DLX6: variants seen among roughly 807,000 people sequenced by gnomAD.
The protein encoded by DLX6 is homeobox protein DLX-6.
Under a neutral mutation model 33.5 loss-of-function variants are expected in DLX6, and 4 were observed. The ratio of observed to expected loss-of-function variants is 0.12; its 90% confidence interval spans 0.06 to 0.27. DLX6 has a LOEUF of 0.27. DLX6 is among the 10% of genes least tolerant of loss of function. The probability of loss-of-function intolerance (pLI) is 1.00; values close to 1 mark genes in which losing one functional copy is unlikely to be tolerated. For missense variants in DLX6, 382 were observed against 393.3 expected (o/e 0.97, Z 0.24); for synonymous variants, 184 against 164.8 (o/e 1.12, Z -0.89).
Position 97,010,453 on chromosome 7 carries a change from A to G in DLX6, c.*406A>G, listed in dbSNP as rs1188311830. On this transcript the variant is annotated 3_prime_UTR_variant, in exon 3 of 3. Coordinates refer to ENST00000518156, the MANE Select transcript of DLX6 (RefSeq NM_005222.4). ...TATTTTCTCTTACCCCTTGGGATCC[A>G]GGCTCTGAGTCTCTTCTCTTTGGGA... 3.0e-5 allele frequency: 5 copies of G among 165,000 alleles called. No individual in the cohort carries two copies. Among genetic ancestry groups the G allele is most frequent in the African/African-American group, 7.2e-5 (3 of 41,788 alleles). 10.2% of individuals were successfully genotyped at this position (165,000 alleles called of 1,614,324 possible).
In DLX6 at chr7:97,009,780, G is replaced by A; in HGVS notation, c.631-16G>A. ...TTTGATGTTTATGGGCCTAATGATTGCTGCATTTCTTGCAGGTGAAGATAT... is the reference window on the plus strand; with the variant it reads ...TTTGATGTTTATGGGCCTAATGATTACTGCATTTCTTGCAGGTGAAGATAT... On this transcript the variant is annotated splice_polypyrimidine_tract_variant and intron_variant, in intron 2 of 2. Coordinates refer to ENST00000518156, the MANE Select transcript of DLX6 (RefSeq NM_005222.4). The A allele has an allele frequency of 6.2e-7, 1 of 1,610,828 alleles. No homozygotes were observed. Among genetic ancestry groups the A allele is most frequent in the Non-Finnish European group, 8.5e-7 (1 of 1,177,386 alleles).
In DLX6 at chr7:97,005,860, T is replaced by G. The variant is rs1789701458; in HGVS notation, c.-118T>G. On this transcript the variant is annotated 5_prime_UTR_variant, in exon 1 of 3. Coordinates refer to ENST00000518156, the MANE Select transcript of DLX6 (RefSeq NM_005222.4). ...TTTAAATTCTTTTTTTTTTTTTTTT[T>G]TTTTTTTGCAAGGATCCAAAGAGCT... is the stretch of plus-strand genomic sequence containing the variant. 2.4e-6 allele frequency: 1 copy of G among 415,292 alleles called. No individual in the cohort carries two copies. The allele number at this position is 415,292 out of a possible 1,614,324, so 25.7% of individuals were successfully genotyped here.
rs4281046 is a variant in DLX6 at position 97,008,893 on chromosome 7, G to A, written c.631-903G>A. Reference sequence around the variant, plus strand: ...TCCGGCTATTCAGTGACTTGTATGCGTCTTGAAAAAGTAGATTCTTATGGC... The same window carrying A: ...TCCGGCTATTCAGTGACTTGTATGCATCTTGAAAAAGTAGATTCTTATGGC... On this transcript the variant is annotated intron_variant, in intron 2 of 2. Transcript: ENST00000518156. 7.3e-3 allele frequency among the ~76,000 whole-genome samples: 1,110 copies of A among 152,256 alleles called. 15 individuals carry two copies. The highest frequency in any genetic ancestry group is 0.025 in the African/African-American group (1,047 of 41,538).
Position 97,006,307 on chromosome 7 carries a change from C to T in DLX6, c.330C>T (p.His110=), listed in dbSNP as rs1257949241. ...YASGGGNSYN[H]RSLAAYPYMS... is the part of the protein sequence containing the mutation. ...CGGGCGGAGGGAACTCCTACAACCA[C>T]CGCTCGCTCGCCGCCTACCCCTACA... The change falls in exon 1 of 3, where the codon CAC becomes CAT. Residue 110 remains histidine, a synonymous_variant. Coordinates refer to ENST00000518156, the MANE Select transcript of DLX6 (RefSeq NM_005222.4). 8.5e-6 allele frequency: 13 copies of T among 1,524,874 alleles called. No individual in the cohort carries two copies. Among genetic ancestry groups the T allele is most frequent in the African/African-American group, 1.4e-5 (1 of 71,086 alleles). The allele number at this position is 1,524,874 out of a possible 1,614,324, so 94.5% of individuals were successfully genotyped here.
intron 1 of DLX6, 59 bp downstream of exon 1, chr7:97,006,472 C>T: frequency 8.0e-7 from 1 of 1,247,634 alleles, no homozygotes; most frequent in Non-Finnish European, 1.0e-6. Context: ...CTACCCCGCC[C>T]GCCCGCTCAC....
Position 97,010,144 on chromosome 7 carries a change from A to AGG in DLX6, c.*98_*99dup. On this transcript the variant is annotated 3_prime_UTR_variant, in exon 3 of 3. Transcript: ENST00000518156. The stretch of plus-strand genomic sequence containing the variant: ...GAAAAGGAGCCAAAGGAGCAGGCTT[A>AGG]GGAGAGCTCATAAGTGTGGCAAGAA... 1 of 1,442,624 alleles carries AGG rather than the reference A, an allele frequency of 6.9e-7. No homozygotes were observed. The allele number at this position is 1,442,624 out of a possible 1,614,324, so 89.4% of individuals were successfully genotyped here.
At chr7:97,006,498 G>C in intron 1 of DLX6, 85 bp downstream of exon 1, 1 of 1,221,482 alleles carries the variant, frequency 8.2e-7, no homozygotes, top group Non-Finnish European at 1.0e-6. Context: ...CGACGCCCGG[G>C]CCTCCGCCGG....
At chr7:97,009,400 T>G (rs1367881353) in intron 2 of DLX6, among the ~76,000 whole-genome samples, 1 of 152,184 alleles carries the variant, frequency 6.6e-6, no homozygotes, top group African/African-American at 2.4e-5. Flanking sequence ...TTACTAAATT[T>G]TATGTAAAAT....
chr7:97,007,508 G>A lies in DLX6; in HGVS notation c.437-130G>A, dbSNP rs952171555. On this transcript the variant is annotated intron_variant, in intron 1 of 2. Transcript: ENST00000518156. ...GGCAGAGTGGACCAAGAGAGGTCGG[G>A]GCATCATAGGGATTTTTCGAGGTAA... 3 of 826,290 alleles carry A rather than the reference G, an allele frequency of 3.6e-6. No individual in the cohort carries two copies. The Admixed American group carries it at 6.0e-5, about 17-fold the overall frequency. 51.2% of individuals were successfully genotyped at this position (826,290 alleles called of 1,614,324 possible).
chr7:97,006,492 G>A, intron 1 of DLX6, 79 bp downstream of exon 1: 3 of 1,199,484 alleles, frequency 2.5e-6, no homozygotes, highest in Non-Finnish European at 3.1e-6. Context: ...CTTCCTCGAC[G>A]CCCGGGCCTC....
Position 97,010,216 on chromosome 7 carries a change from TTTCTTTTTAC to T in DLX6, c.*175_*184del, listed in dbSNP as rs1789818872. 7.9e-6 allele frequency: 5 copies of T among 633,534 alleles called. No homozygotes were observed. In the Admixed American group the frequency reaches 1.3e-4, roughly 17 times the overall value. 39.2% of individuals were successfully genotyped at this position (633,534 alleles called of 1,614,324 possible). On this transcript the variant is annotated 3_prime_UTR_variant, in exon 3 of 3. Transcript: ENST00000518156. Reference sequence around the variant, plus strand: ...TCCCTCTCTCTCTCTCTCCCTCTCCTTTCTTTTTACTTCTTCCTTTCCTCCATTCCTTCTT... The same window carrying T: ...TCCCTCTCTCTCTCTCTCCCTCTCCTTTCTTCCTTTCCTCCATTCCTTCTT...
At chr7:97,007,886 G>A in intron 2 of DLX6, 55 bp downstream of exon 2, 1 of 1,479,372 alleles carries the variant, frequency 6.8e-7, no homozygotes, top group Non-Finnish European at 9.0e-7. Flanking sequence ...TTGCAGATCG[G>A]GCAGGGAGCA....
chr7:97,006,014 G>A lies in DLX6; in HGVS notation c.37G>A (p.Gly13Ser), dbSNP rs1255852456. ...GACTACGATGGCTGACGGCTTGGAA[G>A]GCCAGGACTCGTCCAAATCCGCCTT... The part of the protein sequence containing the change: ...TMTTMADGLE[G>S]QDSSKSAFME... The change falls in exon 1 of 3, where the codon GGC (glycine) becomes AGC (serine). Residue 13 changes from glycine (G) to serine (S), a missense_variant. Coordinates refer to ENST00000518156, the MANE Select transcript of DLX6 (RefSeq NM_005222.4). 3.8e-6 allele frequency: 6 copies of A among 1,599,542 alleles called. No individual in the cohort carries two copies. The highest frequency in any genetic ancestry group is 2.3e-5 in the East Asian group (1 of 44,118).
rs1434983992 is a variant in DLX6, at chr7:97,006,062, C to A, written c.85C>A (p.Gln29Lys). 3.2e-6 allele frequency: 5 copies of A among 1,577,744 alleles called. No individual in the cohort carries two copies. Among genetic ancestry groups the A allele is most frequent in the Non-Finnish European group, 4.3e-6 (5 of 1,162,670 alleles). Reference protein sequence around the residue: ...SAFMEFGQQQQQQQQQQQQQQ... With the variant: ...SAFMEFGQQQKQQQQQQQQQQ... ...CTTCATGGAGTTCGGGCAGCAGCAG[C>A]AGCAGCAGCAGCAACAGCAGCAGCA... The change falls in exon 1 of 3, where the codon CAG becomes AAG. Residue 29 changes from glutamine to lysine, a missense_variant. Transcript: ENST00000518156.
At position 97,006,349 on chromosome 7, in the gene DLX6, C is replaced by A; in HGVS notation, c.372C>A (p.His124Gln). 6.7e-7 allele frequency: 1 copy of A among 1,497,232 alleles called. No individual in the cohort carries two copies. Among genetic ancestry groups the A allele is most frequent in the Non-Finnish European group, 8.9e-7 (1 of 1,118,540 alleles). The allele number at this position is 1,497,232 out of a possible 1,614,324, so 92.7% of individuals were successfully genotyped here. ...AAYPYMSHSQ[H>Q]SPYLQSYHNS... Reference sequence around the variant, plus strand: ...ACCCCTACATGAGCCACTCGCAGCACAGCCCTTACCTCCAGTCCTACCACA... The same window carrying A: ...ACCCCTACATGAGCCACTCGCAGCAAAGCCCTTACCTCCAGTCCTACCACA... The change falls in exon 1 of 3, where the codon CAC becomes CAA. Residue 124 changes from histidine (H) to glutamine (Q), a missense_variant. Transcript: ENST00000518156.
At chr7:97,006,552 T>C in intron 1 of DLX6, 139 bp downstream of exon 1, 3 of 861,434 alleles carry the variant, frequency 3.5e-6, no homozygotes, top group Non-Finnish European at 4.5e-6. Flanking sequence ...CCGGGCCCCG[T>C]GCGCGCCCGC....
At chr7:97,009,681 G>A in intron 2 of DLX6, 115 bp from the exon 3 acceptor site, 2 of 1,479,150 alleles carry the variant, frequency 1.4e-6, no homozygotes, top group African/African-American at 1.4e-5. Flanking sequence ...GTTGGCGGTG[G>A]TTGTTTTTTG....
chr7:97,009,679 T>G (rs1584157505), intron 2 of DLX6, 117 bp from the exon 3 acceptor site: 6 of 1,441,946 alleles, frequency 4.2e-6, no homozygotes, highest in East Asian at 2.3e-5. Context: ...GCGTTGGCGG[T>G]GGTTGTTTTT....
chr7:97,006,544 G>A, intron 1 of DLX6, 131 bp downstream of exon 1: 1 of 997,576 alleles, frequency 1.0e-6, no homozygotes, highest in Non-Finnish European at 1.3e-6. Context: ...GCCCTTGGCC[G>A]GGCCCCGTGC....
Sources: allele counts gnomAD v4.1 joint callset (sites outside exome capture counted in the v4.1 genomes callset), GRCh38; gene constraint gnomAD v4.1.1; transcripts MANE v1.5; gene names NCBI Gene and HGNC (gene_info 2026-07-23, HGNC 2026-07-21).